NCAPG2: variants seen among roughly 807,000 people sequenced by gnomAD.
The protein encoded by NCAPG2 is condensin-2 complex subunit G2.
NCAPG2 carries 53 observed loss-of-function variants against 141.1 expected under a neutral mutation model. The ratio of observed to expected loss-of-function variants is 0.38; its 90% confidence interval spans 0.30 to 0.47. The LOEUF is 0.47. Ranked by LOEUF, NCAPG2 falls within the 20% of genes least tolerant of loss-of-function variation. The pLI is 0.99. For missense variants in NCAPG2, 1,087 were observed against 1,389.0 expected (o/e 0.78, Z 3.46); for synonymous variants, 499 against 490.7 (o/e 1.02, Z -0.22).
intron 2 of NCAPG2, 136 bp from the exon 3 acceptor site, chr7:158,693,633 T>A: frequency 2.8e-6 from 2 of 708,022 alleles, no homozygotes; most frequent in Non-Finnish European, 4.4e-6. Context: ...TCAAAATCCA[T>A]TCCTAAAAGG....
intron 2 of NCAPG2, among the ~76,000 whole-genome samples, chr7:158,694,230 A>G (rs10225435): frequency 0.34 from 51,212 of 152,128 alleles, 9,035 homozygotes; most frequent in African/African-American, 0.42. Flanking sequence ...GAAAAAATCA[A>G]TGACAGCATA....
Position 158,633,690 on chromosome 7 carries a change from T to C in NCAPG2, c.3381-1973A>G, listed in dbSNP as rs1016286686. 2.0e-5 allele frequency among the ~76,000 whole-genome samples: 3 copies of C among 152,166 alleles called. No homozygotes were observed. The highest frequency in any genetic ancestry group is 4.8e-5 in the African/African-American group (2 of 41,448). On this transcript the variant is annotated intron_variant, in intron 27 of 27. Transcript: ENST00000356309. The surrounding 1 kb of genome is among the most constrained non-coding windows in gnomAD (Gnocchi z 4.1). ...CAGCAACTGCCTGGCTCAGCAGCAG[T>C]GCAGCCAGAGGCAAGACAGAGGAGA...
Position 158,660,815 on chromosome 7 carries a change from G to A in NCAPG2, c.1989+1379C>T, listed in dbSNP as rs186949673. Among the ~76,000 whole-genome samples, 182 of 152,254 alleles carry A rather than the reference G, an allele frequency of 1.2e-3. 1 individual carries two copies. The highest frequency in any genetic ancestry group is 4.1e-3 in the African/African-American group (170 of 41,532). ...CCCATAATTCCCACGTGTTACGGGA[G>A]GGACACGGTGGTAGGTAACTGAATC... On this transcript the variant is annotated intron_variant, in intron 16 of 27. Coordinates refer to ENST00000356309, the MANE Select transcript of NCAPG2 (RefSeq NM_017760.7).
chr7:158,672,014 A>T (rs2129464637), intron 12 of NCAPG2, among the ~76,000 whole-genome samples: 1 of 152,176 alleles, frequency 6.6e-6, no homozygotes, highest in Non-Finnish European at 1.5e-5. Context: ...ATGGTCTCCA[A>T]AGGCACCAAG....
At chr7:158,666,355 C>A (rs4909091) in intron 13 of NCAPG2, among the ~76,000 whole-genome samples, 51,102 of 151,852 alleles carry the variant, frequency 0.34, 9,047 homozygotes, top group African/African-American at 0.42. Flanking sequence ...AACACTGCAC[C>A]AGCGGGCCTG....
Position 158,660,401 on chromosome 7 carries a change from C to CTTTTT in NCAPG2, c.1989+1788_1989+1792dup, listed in dbSNP as rs945928092. ...AGTCCCAGGTCATTATTTCAGCTTT[C>CTTTTT]TTTTTTTTTTTTTTTTTTTTTTTTT... On this transcript the variant is annotated intron_variant, in intron 16 of 27. Coordinates refer to ENST00000356309, the MANE Select transcript of NCAPG2 (RefSeq NM_017760.7). Among the ~76,000 whole-genome samples, 89 of 72,796 alleles carry CTTTTT rather than the reference C, an allele frequency of 1.2e-3. 5 individuals carry two copies. In the East Asian group the frequency reaches 0.024, roughly 20 times the overall value. 47.8% of individuals were successfully genotyped at this position (72,796 alleles called of 152,430 possible). A position where few individuals can be genotyped will look rare whatever the true frequency, so the allele number is the denominator to read the frequency against.
intron 12 of NCAPG2, among the ~76,000 whole-genome samples, chr7:158,672,316 ATATATATATATATTTTTTTTTTTTTTT>A (rs1833773410): frequency 1.1e-4 from 4 of 35,756 alleles, no homozygotes; most frequent in African/African-American, 4.4e-4. Context: ...ATATATATAT[ATATATATATATATTTTTTTTTTTTTTT>A]TTTTTTTTTT....
chr7:158,671,396 A>T (rs1296969923), intron 13 of NCAPG2, 118 bp downstream of exon 13: 2 of 1,226,742 alleles, frequency 1.6e-6, no homozygotes, highest in Non-Finnish European at 2.3e-6. Flanking sequence ...GACAGAGATA[A>T]CTGGTCAAAT....
chr7:158,666,646 G>C (rs925977785), intron 13 of NCAPG2, among the ~76,000 whole-genome samples: 1 of 151,728 alleles, frequency 6.6e-6, no homozygotes, highest in African/African-American at 2.4e-5. Flanking sequence ...AGACTTATTG[G>C]CTGGGCACAG....
intron 27 of NCAPG2, chr7:158,640,586 C>T (rs1417788840): frequency 6.6e-6 from 1 of 151,994 alleles, no homozygotes; most frequent in East Asian, 1.9e-4. Context: ...AATTCATCAA[C>T]TAGAATTATA....
chr7:158,690,579 C>G lies in NCAPG2; in HGVS notation c.526G>C (p.Glu176Gln). 8 of 1,613,958 alleles carry G rather than the reference C, an allele frequency of 5.0e-6. No homozygotes were observed. Among genetic ancestry groups the G allele is most frequent in the Non-Finnish European group, 6.8e-6 (8 of 1,179,904 alleles). Residue 176 changes from glutamate to glutamine, a missense_variant, in exon 5 of 28, where the codon GAG becomes CAG. Transcript: ENST00000356309. ...AFVMLLRRSL[E>Q]TKTGADVCRL... ...AAAAGTGAGCATACTGTCTTAGTCT[C>G]CAGACTCCTCCTTAGTAACATGACA...
At chr7:158,693,286 T>C (rs764015870) in intron 3 of NCAPG2, 23 bp downstream of exon 3, 4 of 1,586,692 alleles carry the variant, frequency 2.5e-6, no homozygotes, top group Non-Finnish European at 3.4e-6. Context: ...AAACGTTTCT[T>C]ATTTTTGAAA....
rs756381491 is a variant in NCAPG2, at chr7:158,652,360, T to G, written c.2867A>C (p.Lys956Thr). ...EVAMLLDTVQKVFQKMLECIA... is the reference protein window; with the variant it reads ...EVAMLLDTVQTVFQKMLECIA... The stretch of plus-strand genomic sequence containing the variant: ...ACATTCCAACATTTTCTGAAATACT[T>G]TCTGGACTGTGTCCAACAGCATTGC... The change falls in exon 23 of 28, where the codon AAA becomes ACA. Residue 956 changes from lysine to threonine, a missense_variant. Lys to Thr is a moderately conservative substitution (Grantham distance 78, BLOSUM62 -1). Transcript: ENST00000356309. 1.6e-5 allele frequency: 26 copies of G among 1,613,784 alleles called. No individual in the cohort carries two copies. The highest frequency in any genetic ancestry group is 1.7e-6 in the Non-Finnish European group (2 of 1,179,992).
chr7:158,645,730 G>C, intron 25 of NCAPG2, 111 bp from the exon 26 acceptor site: 1 of 921,302 alleles, frequency 1.1e-6, no homozygotes, highest in Non-Finnish European at 1.7e-6. Context: ...GTTTGCAGGG[G>C]ACGTGGGAAG....
chr7:158,645,693 A>G, intron 25 of NCAPG2, 74 bp from the exon 26 acceptor site: 1 of 1,378,000 alleles, frequency 7.3e-7, no homozygotes, highest in Non-Finnish European at 1.0e-6. Flanking sequence ...AAGTACAGCC[A>G]AGGTTCAACC....
At chr7:158,681,334 G>GA (rs1371044338) in intron 9 of NCAPG2, among the ~76,000 whole-genome samples, 3 of 152,270 alleles carry the variant, frequency 2.0e-5, no homozygotes, top group Non-Finnish European at 4.4e-5. Context: ...CAAAACTTAT[G>GA]AAAAAATCAG....
In NCAPG2 at chr7:158,667,492, C is replaced by CT. The variant is rs762353180; in HGVS notation, c.1480-2743_1480-2742insA. Among the ~76,000 whole-genome samples the CT allele has an allele frequency of 7.2e-4, 89 of 123,698 alleles. 1 individual carries two copies. Among genetic ancestry groups the CT allele is most frequent in the African/African-American group, 1.6e-3 (48 of 30,492 alleles). 81.2% of individuals were successfully genotyped at this position (123,698 alleles called of 152,430 possible). On this transcript the variant is annotated intron_variant, in intron 13 of 27. Transcript: ENST00000356309. ...TTACCCACTACTGGGTCCCTCCGCCCGCCTTACCCACTACTGGGTCCCTCC... is the reference window on the plus strand; with the variant it reads ...TTACCCACTACTGGGTCCCTCCGCCCTGCCTTACCCACTACTGGGTCCCTCC...
intron 27 of NCAPG2, among the ~76,000 whole-genome samples, chr7:158,634,978 C>T (rs1203508461): frequency 1.3e-5 from 2 of 152,204 alleles, no homozygotes; most frequent in African/African-American, 4.8e-5. Flanking sequence ...CAAGTCCCCT[C>T]AGCACTAACG....
intron 13 of NCAPG2, chr7:158,668,243 T>TCCGCCCCC (rs370192821): frequency 6.2e-5 from 2 of 32,494 alleles, no homozygotes; most frequent in Non-Finnish European, 7.2e-5. Flanking sequence ...CCCTCTGCCC[T>TCCGCCCCC]CCTTACCCAC....
Sources: gnomAD v4.1 joint callset for allele counts (sites outside exome capture counted in the v4.1 genomes callset) on GRCh38, gnomAD v4.1.1 for gene constraint, Gnocchi (gnomAD v3.1) non-coding constraint, MANE v1.5 for transcripts, NCBI Gene and HGNC (gene_info 2026-07-23, HGNC 2026-07-21) for gene names.